NDST3: variants seen among roughly 807,000 people sequenced by gnomAD.
The protein encoded by NDST3 is bifunctional heparan sulfate N-deacetylase/N-sulfotransferase 3.
In NDST3, 58 loss-of-function variants were observed where a neutral mutation model predicts 96.1. That is an observed-to-expected ratio of 0.60 (90% CI 0.49 to 0.75). The LOEUF (loss-of-function observed/expected upper bound fraction) is 0.75, where lower values mean the gene tolerates loss of function less well. Among genes scored for constraint, NDST3 ranks in the 30% least tolerant of loss-of-function variants. The probability of loss-of-function intolerance (pLI) is 0.00; values close to 1 mark genes in which losing one functional copy is unlikely to be tolerated. For missense variants in NDST3, 788 were observed against 1,034.2 expected (o/e 0.76, Z 3.27); for synonymous variants, 333 against 359.7 (o/e 0.93, Z 0.84).
upstream of NDST3, chr4:118,033,815 C>G (rs1724005176): frequency 2.0e-5 from 3 of 152,462 alleles, no homozygotes; most frequent in Admixed American, 2.0e-4. Context: ...CCGGGCACCG[C>G]GTAGCACCCA....
At chr4:118,153,019 G>C (rs779335278) in intron 6 of NDST3, among the ~76,000 whole-genome samples, 1 of 152,106 alleles carries the variant, frequency 6.6e-6, no homozygotes, top group African/African-American at 2.4e-5. Context: ...ACTGAGCAAC[G>C]GCTACCTGAG....
chr4:118,143,732 CA>C, intron 6 of NDST3, 48 bp downstream of exon 6: 2 of 1,538,518 alleles, frequency 1.3e-6, no homozygotes, highest in South Asian at 1.3e-5. Flanking sequence ...ATAGGGCTGG[CA>C]AAAATTACCC....
At chr4:118,213,861 T>C (rs982032826) in intron 6 of NDST3, among the ~76,000 whole-genome samples, 1 of 152,060 alleles carries the variant, frequency 6.6e-6, no homozygotes, top group African/African-American at 2.4e-5. Flanking sequence ...AGATCACTTA[T>C]GATATAGACT....
chr4:118,195,576 A>G (rs1737625280), intron 6 of NDST3, among the ~76,000 whole-genome samples: 1 of 152,190 alleles, frequency 6.6e-6, no homozygotes. Context: ...GCTGCATGAG[A>G]ACAGACTAAT....
At chr4:118,105,194 A>G (rs1355455714) in intron 3 of NDST3, 89 bp downstream of exon 3, 2 of 860,010 alleles carry the variant, frequency 2.3e-6, no homozygotes, top group African/African-American at 3.4e-5. Flanking sequence ...ACTGTCCTAC[A>G]TTCCCTATGT....
At position 118,054,178 on chromosome 4, in the gene NDST3, T is replaced by A. The variant is rs746304998; in HGVS notation, c.268T>A (p.Ser90Thr). 6.2e-7 allele frequency: 1 copy of A among 1,612,906 alleles called. No homozygotes were observed. Among genetic ancestry groups the A allele is most frequent in the African/African-American group, 1.3e-5 (1 of 74,778 alleles). ...VLVFVESQYS[S>T]LGQDIIMILE... is the part of the protein sequence containing the mutation. Reference sequence around the variant, plus strand: ...AGTATTTGTAGAGAGCCAGTACTCATCTCTTGGTCAAGACATCATTATGAT... The same window carrying A: ...AGTATTTGTAGAGAGCCAGTACTCAACTCTTGGTCAAGACATCATTATGAT... Residue 90 changes from serine to threonine, a missense_variant, in exon 2 of 14, where the codon TCT becomes ACT. Around this residue, in one of 3 missense-constraint regions of NDST3, gnomAD observed 234 missense variants for 256.9 expected, o/e 0.91. Coordinates refer to ENST00000296499, the MANE Select transcript of NDST3 (RefSeq NM_004784.3).
chr4:118,202,384 T>C (rs559246825), intron 6 of NDST3, among the ~76,000 whole-genome samples: 9 of 152,168 alleles, frequency 5.9e-5, no homozygotes, highest in South Asian at 2.1e-4. Flanking sequence ...ATAGGAATAG[T>C]GTTGAATCTT....
chr4:118,225,591 A>G (rs566906849), intron 7 of NDST3, among the ~76,000 whole-genome samples: 30 of 152,308 alleles, frequency 2.0e-4, no homozygotes, highest in Admixed American at 1.6e-3. Flanking sequence ...GTACTTCTTA[A>G]TCACTGTTCT....
intron 6 of NDST3, among the ~76,000 whole-genome samples, chr4:118,216,315 G>A (rs931129112): frequency 6.6e-6 from 1 of 152,082 alleles, no homozygotes; most frequent in Non-Finnish European, 1.5e-5. Flanking sequence ...GATAAGGCTG[G>A]TGAGCTGCTA....
At chr4:118,118,544 C>A (rs1731299101) in intron 4 of NDST3, among the ~76,000 whole-genome samples, 1 of 152,182 alleles carries the variant, frequency 6.6e-6, no homozygotes, top group Non-Finnish European at 1.5e-5. Context: ...ATCTGACTCA[C>A]AAACAAATTT....
At chr4:118,041,062 C>A (rs545074755) in intron 1 of NDST3, among the ~76,000 whole-genome samples, 1 of 151,832 alleles carries the variant, frequency 6.6e-6, no homozygotes, top group East Asian at 1.9e-4. Flanking sequence ...AGAGCTTTAA[C>A]CCTCATTAAA....
chr4:118,037,217 A>T (rs1724200050), intron 1 of NDST3, among the ~76,000 whole-genome samples: 1 of 152,190 alleles, frequency 6.6e-6, no homozygotes, highest in African/African-American at 2.4e-5. Context: ...ACATCAGTGA[A>T]TAATACAAAA....
chr4:118,107,751 T>A (rs1337615120), intron 3 of NDST3, among the ~76,000 whole-genome samples: 1 of 152,114 alleles, frequency 6.6e-6, no homozygotes, highest in African/African-American at 2.4e-5. Context: ...TAGAAAAGGC[T>A]GACCATTAAA....
At chr4:118,048,217 G>C (rs1161912344) in intron 1 of NDST3, among the ~76,000 whole-genome samples, 2 of 152,042 alleles carry the variant, frequency 1.3e-5, no homozygotes, top group Non-Finnish European at 2.9e-5. Flanking sequence ...CTTAGAAGAG[G>C]TTCTTAGGGA....
intron 6 of NDST3, among the ~76,000 whole-genome samples, chr4:118,175,441 C>T (rs929707425): frequency 1.3e-5 from 2 of 152,080 alleles, no homozygotes; most frequent in Non-Finnish European, 2.9e-5. Flanking sequence ...AATTAGTCAT[C>T]CATCACTAAG....
At chr4:118,214,351 T>C (rs1008132265) in intron 6 of NDST3, among the ~76,000 whole-genome samples, 3 of 152,152 alleles carry the variant, frequency 2.0e-5, no homozygotes, top group South Asian at 4.1e-4. Flanking sequence ...CTAATTGAGA[T>C]GTACTGTAAA....
chr4:118,159,428 T>C (rs1436439010), intron 6 of NDST3, among the ~76,000 whole-genome samples: 2 of 152,224 alleles, frequency 1.3e-5, no homozygotes, highest in African/African-American at 4.8e-5. Flanking sequence ...AATCTCTTAC[T>C]TGGCTGATTG....
intron 5 of NDST3, among the ~76,000 whole-genome samples, chr4:118,142,480 C>T (rs1733640625): frequency 6.6e-6 from 1 of 151,740 alleles, no homozygotes; most frequent in Non-Finnish European, 1.5e-5. Context: ...AAAATAAAAA[C>T]ACTAGTATAT....
At chr4:118,036,437 T>G (rs2110416969) in intron 1 of NDST3, among the ~76,000 whole-genome samples, 1 of 152,334 alleles carries the variant, frequency 6.6e-6, no homozygotes, top group Middle Eastern at 3.4e-3. Context: ...GCTTAACAGT[T>G]CTGACAGTAA....
Sources: gnomAD v4.1 joint callset for allele counts (sites outside exome capture counted in the v4.1 genomes callset) on GRCh38, gnomAD v4.1.1 for gene constraint, gnomAD v4.1.1 regional missense constraint, MANE v1.5 for transcripts, NCBI Gene and HGNC (gene_info 2026-07-23, HGNC 2026-07-21) for gene names.